ZNF410: variants seen among roughly 807,000 people sequenced by gnomAD.
ZNF410 encodes another partner for ARF 1.
In ZNF410, 18 loss-of-function variants were observed where a neutral mutation model predicts 54.8. The ratio of observed to expected loss-of-function variants is 0.33; its 90% CI spans 0.23 to 0.49. The LOEUF is 0.49. ZNF410 is among the 20% of genes least tolerant of loss of function. ZNF410 has a pLI of 0.99. For synonymous variants in ZNF410, 191 were observed against 207.3 expected, an observed-to-expected ratio of 0.92 and a Z score of 0.68; for missense variants, 405 against 569.6, an observed-to-expected ratio of 0.71 and a Z score of 2.94.
At chr14:73,897,180 C>T (rs1257784714) in intron 4 of ZNF410, among the ~76,000 whole-genome samples, 1 of 152,032 alleles carries the variant, frequency 6.6e-6, no homozygotes, top group Admixed American at 6.5e-5. Context: ...TCTGGTGACC[C>T]TAGCAAGAGC....
chr14:73,921,245 T>G, intron 9 of ZNF410, 140 bp downstream of exon 9: 1 of 1,077,460 alleles, frequency 9.3e-7, no homozygotes, highest in Non-Finnish European at 1.3e-6. Context: ...GGCTGATGGT[T>G]TCCAAACATA....
intron 5 of ZNF410, among the ~76,000 whole-genome samples, chr14:73,903,515 A>G (rs776307628): frequency 1.3e-5 from 2 of 151,660 alleles, no homozygotes; most frequent in Non-Finnish European, 2.9e-5. Context: ...TTTTTGACAG[A>G]TTCTTGCTCT....
At chr14:73,898,900 C>A (rs2055363810) in intron 5 of ZNF410, among the ~76,000 whole-genome samples, 2 of 152,228 alleles carry the variant, frequency 1.3e-5, no homozygotes, top group African/African-American at 4.8e-5. Flanking sequence ...AACTCTCAGG[C>A]CCATGCCAGA....
intron 5 of ZNF410, among the ~76,000 whole-genome samples, chr14:73,900,668 C>T (rs1407369861): frequency 6.6e-6 from 1 of 152,172 alleles, no homozygotes; most frequent in East Asian, 1.9e-4. Flanking sequence ...AGCCACCGTG[C>T]GTGGTCCCAC....
Position 73,905,964 on chromosome 14 carries a change from C to CATATATAT in ZNF410, c.913+882_913+883insTATATATA, listed in dbSNP as rs1409079327. On this transcript the variant is annotated intron_variant, in intron 7 of 11. Coordinates refer to ENST00000555044, the MANE Select transcript of ZNF410 (RefSeq NM_021188.3). ...ATATATACACACACACACACACACA[C>CATATATAT]ACACATATATATATATATATATATA... is the stretch of plus-strand genomic sequence containing the variant. Among the ~76,000 whole-genome samples the CATATATAT allele has an allele frequency of 6.0e-5, 6 of 100,640 alleles. No individual in the cohort carries two copies. The East Asian group carries it at 2.3e-3, about 39-fold the overall frequency. The allele number at this position is 100,640 out of a possible 152,430, so 66.0% of individuals were successfully genotyped here. A position where few individuals can be genotyped will look rare whatever the true frequency, so the allele number is the denominator to read the frequency against.
chr14:73,896,777 G>A (rs72627120), intron 4 of ZNF410, among the ~76,000 whole-genome samples: 23,323 of 152,058 alleles, frequency 0.15, 2,358 homozygotes, highest in East Asian at 0.49. Context: ...AGCAAGGCTT[G>A]GGGGAGGATG....
chr14:73,925,115 G>A (rs1024145787), intron 11 of ZNF410, among the ~76,000 whole-genome samples: 42 of 150,214 alleles, frequency 2.8e-4, no homozygotes, highest in African/African-American at 9.7e-4. Context: ...GGGCATACAT[G>A]TTAATGCTTT....
At position 73,931,524 on chromosome 14, in the gene ZNF410, A is replaced by G; in HGVS notation, c.1420A>G (p.Thr474Ala). 6.2e-7 allele frequency: 1 copy of G among 1,607,528 alleles called. No homozygotes were observed. Among genetic ancestry groups the G allele is most frequent in the Non-Finnish European group, 8.5e-7 (1 of 1,178,500 alleles). ...PQELLNQGDL[T>A]ERRT ...ACAGTTACTAAACCAAGGAGATTTA[A>G]CTGAAAGACGGACATGAGCGTGGGT... Residue 474 changes from threonine (T) to alanine (A), a missense_variant, in exon 12 of 12, where the codon ACT becomes GCT. Around this residue, in one of 3 missense-constraint regions of ZNF410, gnomAD observed 127 missense variants for 141.3 expected, o/e 0.90. Transcript: ENST00000555044.
At chr14:73,906,586 T>G (rs1286196120) in intron 7 of ZNF410, among the ~76,000 whole-genome samples, 1 of 152,198 alleles carries the variant, frequency 6.6e-6, no homozygotes, top group Non-Finnish European at 1.5e-5. Context: ...GTTCAAGCTT[T>G]TCTCATGCCT....
At chr14:73,905,962 CACACACATATAT>C (rs774773180) in intron 7 of ZNF410, among the ~76,000 whole-genome samples, 2 of 22,964 alleles carry the variant, frequency 8.7e-5, no homozygotes, top group African/African-American at 1.1e-4. Flanking sequence ...CACACACACA[CACACACATATAT>C]ATATATATAT....
At chr14:73,908,848 T>G (rs201352270) in intron 7 of ZNF410, among the ~76,000 whole-genome samples, 1 of 117,150 alleles carries the variant, frequency 8.5e-6, no homozygotes, top group South Asian at 2.9e-4. Flanking sequence ...TTGTTTGTTT[T>G]TTTGTTTGAG....
intron 4 of ZNF410, among the ~76,000 whole-genome samples, chr14:73,897,267 C>T (rs755187353): frequency 1.3e-5 from 2 of 152,022 alleles, no homozygotes; most frequent in Admixed American, 1.3e-4. Context: ...ACAATAGATA[C>T]ACAAGTTAGA....
At chr14:73,910,276 T>C (rs939995776) in intron 8 of ZNF410, among the ~76,000 whole-genome samples, 1 of 152,188 alleles carries the variant, frequency 6.6e-6, no homozygotes, top group Admixed American at 6.5e-5. Flanking sequence ...CAGGAAGAGA[T>C]GAGAAGACTT....
intron 8 of ZNF410, among the ~76,000 whole-genome samples, chr14:73,912,724 T>C (rs2055603074): frequency 6.6e-6 from 1 of 152,246 alleles, no homozygotes; most frequent in South Asian, 2.1e-4. Context: ...CTCTAGTTAC[T>C]TCTAGTATTT....
At chr14:73,922,233 G>A (rs992781928) in intron 10 of ZNF410, 27 bp downstream of exon 10, 1 of 1,604,630 alleles carries the variant, frequency 6.2e-7, no homozygotes, top group Non-Finnish European at 8.5e-7. Context: ...TCCTTTATTT[G>A]GGAAAAATGG....
At position 73,915,207 on chromosome 14, in the gene ZNF410, A is replaced by G. The variant is rs538844157; in HGVS notation, c.1004-5773A>G. On this transcript the variant is annotated intron_variant, in intron 8 of 11. Coordinates refer to ENST00000555044, the MANE Select transcript of ZNF410 (RefSeq NM_021188.3). Reference sequence around the variant, plus strand: ...AACCCAGGAGGTGGAGGTTGCAGTGAGTCGAGATCGCGCCACTGCACTCTA... The same window carrying G: ...AACCCAGGAGGTGGAGGTTGCAGTGGGTCGAGATCGCGCCACTGCACTCTA... Among the ~76,000 whole-genome samples the G allele has an allele frequency of 2.4e-4, 35 of 147,686 alleles. No individual in the cohort carries two copies. The East Asian group carries it at 5.7e-3, about 24-fold the overall frequency.
intron 11 of ZNF410, chr14:73,928,004 A>AT (rs773060568): frequency 1.2e-5 from 2 of 168,306 alleles, no homozygotes. Context: ...CACCCAGCTA[A>AT]TTTTTTGTAT....
chr14:73,931,892 TC>T lies in ZNF410; in HGVS notation c.*354del. 1 of 454,978 alleles carries T rather than the reference TC, an allele frequency of 2.2e-6. No individual in the cohort carries two copies. The highest frequency in any genetic ancestry group is 4.4e-6 in the Non-Finnish European group (1 of 226,028). The allele number at this position is 454,978 out of a possible 1,614,324, so 28.2% of individuals were successfully genotyped here. A position where few individuals can be genotyped will look rare whatever the true frequency, so the allele number is the denominator to read the frequency against. On this transcript the variant is annotated 3_prime_UTR_variant, in exon 12 of 12. Coordinates refer to ENST00000555044, the MANE Select transcript of ZNF410 (RefSeq NM_021188.3). Reference sequence around the variant, plus strand: ...GAGGTTTTCCTTTGAAGAGTTTTCATCCCAGACTCAGCTGTCTTTTCACATG... The same window carrying T: ...GAGGTTTTCCTTTGAAGAGTTTTCATCCAGACTCAGCTGTCTTTTCACATG...
chr14:73,919,886 G>GTTTTTTTTTTTTTTTTTTTTTTTTT (rs1158550117), intron 8 of ZNF410, among the ~76,000 whole-genome samples: 1 of 62,026 alleles, frequency 1.6e-5, no homozygotes, highest in African/African-American at 6.2e-5. Flanking sequence ...TATTGTATAG[G>GTTTTTTTTTTTTTTTTTTTTTTTTT]TTTTTTTTTT....
Sources: gnomAD v4.1 joint callset for allele counts (sites outside exome capture counted in the v4.1 genomes callset) on GRCh38, gnomAD v4.1.1 for gene constraint, gnomAD v4.1.1 regional missense constraint, MANE v1.5 for transcripts, NCBI Gene and HGNC (gene_info 2026-07-23, HGNC 2026-07-21) for gene names.